Variants in NRXN1 observed in about 807,000 individuals in gnomAD.
NRXN1 encodes neurexin 1.
In NRXN1, 39 loss-of-function variants were observed where a neutral mutation model predicts 150.9. The observed-to-expected ratio is 0.26, with a 90% CI of 0.20 to 0.34. The LOEUF (loss-of-function observed/expected upper bound fraction) is 0.34. Among genes scored for constraint, NRXN1 ranks in the 10% least tolerant of loss-of-function variants. The pLI, the probability that NRXN1 is intolerant of heterozygous loss-of-function variation, is 1.00. For synonymous variants in NRXN1, 924 were observed against 757.0 expected (o/e 1.22, Z -3.62); for missense variants, 1,815 against 1,949.9 (o/e 0.93, Z 1.30).
chr2:50,924,762 G>C (rs1307134615), intron 3 of NRXN1, among the ~76,000 whole-genome samples: 1 of 151,600 alleles, frequency 6.6e-6, no homozygotes, highest in Admixed American at 6.6e-5. Flanking sequence ...TAACAAAACA[G>C]AAATGTTCAG....
intron 2 of NRXN1, among the ~76,000 whole-genome samples, chr2:50,938,130 T>G (rs554757656): frequency 6.6e-6 from 1 of 152,172 alleles, no homozygotes; most frequent in Admixed American, 6.5e-5. Flanking sequence ...CTTGCAGGAC[T>G]GAAAGTTACT....
chr2:50,378,270 T>C (rs2080676670), intron 17 of NRXN1, among the ~76,000 whole-genome samples: 1 of 152,182 alleles, frequency 6.6e-6, no homozygotes, highest in Admixed American at 6.5e-5. Context: ...TTACAATAAG[T>C]AGATGCTGAT....
chr2:49,955,133 C>T (rs945117392), intron 21 of NRXN1, among the ~76,000 whole-genome samples: 1 of 152,052 alleles, frequency 6.6e-6, no homozygotes, highest in Non-Finnish European at 1.5e-5. Context: ...TTTAAATAAT[C>T]TTACTCTTGA....
At chr2:50,410,027 G>A (rs1276212034) in intron 17 of NRXN1, among the ~76,000 whole-genome samples, 1 of 151,878 alleles carries the variant, frequency 6.6e-6, no homozygotes, top group Non-Finnish European at 1.5e-5. Context: ...CTTTACTCCT[G>A]CCACATTGAC....
At chr2:50,801,275 A>AT (rs1467721921) in intron 5 of NRXN1, among the ~76,000 whole-genome samples, 1 of 152,040 alleles carries the variant, frequency 6.6e-6, no homozygotes, top group Non-Finnish European at 1.5e-5. Flanking sequence ...CTCAGATTCT[A>AT]TTTTTTTGTT....
At chr2:50,344,634 C>A (rs1289173132) in intron 17 of NRXN1, among the ~76,000 whole-genome samples, 1 of 152,186 alleles carries the variant, frequency 6.6e-6, no homozygotes, top group Non-Finnish European at 1.5e-5. Flanking sequence ...GAGACAATCA[C>A]TGTATTCTGG....
chr2:50,882,940 A>T (rs1679669311), intron 5 of NRXN1, among the ~76,000 whole-genome samples: 1 of 151,902 alleles, frequency 6.6e-6, no homozygotes, highest in African/African-American at 2.4e-5. Flanking sequence ...ATATATTTTT[A>T]TAACATCAAA....
rs1214021707 is a variant in NRXN1 at position 51,008,152 on chromosome 2, T to C, written c.772+19350A>G. On this transcript the variant is annotated intron_variant, in intron 2 of 22. Transcript: ENST00000401669. ...GTTGGGAAATACATTCACACATAAA[T>C]AAAAGAGATCAGTTATAAAGAAAAA... Among the ~76,000 whole-genome samples the C allele has an allele frequency of 4.6e-5, 7 of 151,974 alleles. No homozygotes were observed. In the East Asian group the frequency reaches 1.4e-3, roughly 30 times the overall value.
chr2:50,035,330 A>G (rs995351619), intron 21 of NRXN1, among the ~76,000 whole-genome samples: 3 of 152,054 alleles, frequency 2.0e-5, no homozygotes, highest in African/African-American at 7.2e-5. Context: ...CTTCCCTTAC[A>G]GAGTCTCATT....
At chr2:50,488,396 C>G (rs2091026386) in intron 15 of NRXN1, among the ~76,000 whole-genome samples, 1 of 152,114 alleles carries the variant, frequency 6.6e-6, no homozygotes, top group Non-Finnish European at 1.5e-5. Context: ...GGTGAAAAGC[C>G]AGGTCTGAGA....
intron 5 of NRXN1, among the ~76,000 whole-genome samples, chr2:50,628,434 T>C (rs748063966): frequency 4.6e-5 from 7 of 151,764 alleles, no homozygotes; most frequent in African/African-American, 7.2e-5. Flanking sequence ...AAATGGGACA[T>C]AAATCTAAGC....
intron 18 of NRXN1, among the ~76,000 whole-genome samples, chr2:50,215,870 T>C (rs1361378557): frequency 6.6e-6 from 1 of 152,056 alleles, no homozygotes; most frequent in African/African-American, 2.4e-5. Flanking sequence ...TTATGCAAAG[T>C]GAATTCTCCA....
At chr2:50,368,632 C>T (rs1359489984) in intron 17 of NRXN1, among the ~76,000 whole-genome samples, 2 of 151,874 alleles carry the variant, frequency 1.3e-5, no homozygotes, top group Non-Finnish European at 2.9e-5. Flanking sequence ...TTATAAGAGC[C>T]ATATTCAGTC....
At chr2:50,220,999 C>T (rs939863277) in intron 18 of NRXN1, among the ~76,000 whole-genome samples, 6 of 151,984 alleles carry the variant, frequency 3.9e-5, no homozygotes, top group Non-Finnish European at 5.9e-5. Flanking sequence ...TTGCTAATCT[C>T]GTGTTATCAA....
intron 2 of NRXN1, among the ~76,000 whole-genome samples, chr2:50,968,823 C>G (rs894988301): frequency 8.6e-5 from 13 of 152,038 alleles, no homozygotes; most frequent in Admixed American, 7.9e-4. Context: ...TTTAAAGACA[C>G]CAGTAATCTC....
intron 12 of NRXN1, among the ~76,000 whole-genome samples, chr2:50,524,104 G>C (rs1040258930): frequency 6.6e-6 from 1 of 152,122 alleles, no homozygotes; most frequent in African/African-American, 2.4e-5. Flanking sequence ...ATGTAATAAG[G>C]CATAAAGAAA....
chr2:50,390,430 G>A (rs559671430), intron 17 of NRXN1, among the ~76,000 whole-genome samples: 1 of 152,096 alleles, frequency 6.6e-6, no homozygotes, highest in African/African-American at 2.4e-5. Context: ...ATTCCTGAGA[G>A]CAACTAATTT....
At chr2:50,560,578 A>G (rs1278152578) in intron 8 of NRXN1, among the ~76,000 whole-genome samples, 1 of 152,096 alleles carries the variant, frequency 6.6e-6, no homozygotes, top group Non-Finnish European at 1.5e-5. Flanking sequence ...GACTACAGGC[A>G]TGTGCTACCA....
At chr2:50,681,276 TAAG>T (rs1198951915) in intron 5 of NRXN1, among the ~76,000 whole-genome samples, 2 of 152,226 alleles carry the variant, frequency 1.3e-5, no homozygotes, top group Non-Finnish European at 2.9e-5. Flanking sequence ...TTCCAATGTT[TAAG>T]AAGCACAGAT....
Sources: allele counts gnomAD v4.1 joint callset (sites outside exome capture counted in the v4.1 genomes callset), GRCh38; gene constraint gnomAD v4.1.1; transcripts MANE v1.5; gene names NCBI Gene and HGNC (gene_info 2026-07-23, HGNC 2026-07-21).